RAB30: variants seen among roughly 807,000 people sequenced by gnomAD.
RAB30 encodes the protein ras-related protein Rab-30.
Under a neutral mutation model 25.1 loss-of-function variants are expected in RAB30, and 9 were observed. The observed-to-expected ratio is 0.36, with a 90% CI of 0.22 to 0.63. The LOEUF (loss-of-function observed/expected upper bound fraction) is 0.63. Ranked by LOEUF, RAB30 falls within the 20% of genes least tolerant of loss-of-function variation. The pLI is 0.69. For synonymous variants in RAB30, 77 were observed against 86.4 expected, an observed-to-expected ratio of 0.89 and a Z score of 0.60; for missense variants, 140 against 243.5, an observed-to-expected ratio of 0.58 and a Z score of 2.83.
intron 1 of RAB30, among the ~76,000 whole-genome samples, chr11:83,049,559 C>G (rs1216992027): frequency 2.0e-5 from 3 of 151,424 alleles, no homozygotes; most frequent in Non-Finnish European, 4.4e-5. Flanking sequence ...TAGCTCACTA[C>G]AGCCTCAACC....
At chr11:83,022,456 G>A (rs1219935855) in intron 1 of RAB30, among the ~76,000 whole-genome samples, 11 of 152,002 alleles carry the variant, frequency 7.2e-5, no homozygotes, top group Non-Finnish European at 1.2e-4. Flanking sequence ...ACCGCACTTG[G>A]TCCAAAGAGC....
At chr11:83,040,562 A>T (rs1313500139) in intron 1 of RAB30, among the ~76,000 whole-genome samples, 1 of 150,900 alleles carries the variant, frequency 6.6e-6, no homozygotes, top group Non-Finnish European at 1.5e-5. Context: ...TTGGCACTCC[A>T]GCCTGGGCAA....
intron 1 of RAB30, among the ~76,000 whole-genome samples, chr11:83,032,906 T>G (rs531930394): frequency 6.6e-6 from 1 of 152,092 alleles, no homozygotes; most frequent in Non-Finnish European, 1.5e-5. Context: ...TCAAGAATGA[T>G]AGGAAAAATC....
At chr11:83,033,596 C>T (rs1729875959) in intron 1 of RAB30, among the ~76,000 whole-genome samples, 1 of 152,106 alleles carries the variant, frequency 6.6e-6, no homozygotes, top group Non-Finnish European at 1.5e-5. Flanking sequence ...AAGTAACTTG[C>T]CCAAGGTCAT....
Position 83,068,635 on chromosome 11 carries a change from C to A in RAB30, c.-9+3056G>T, listed in dbSNP as rs186150082. 3.3e-5 allele frequency among the ~76,000 whole-genome samples: 5 copies of A among 152,302 alleles called. No homozygotes were observed. The East Asian group carries it at 7.7e-4, about 23-fold the overall frequency. ...CTCATTCTTCATTCTAGTCTTTCTC[C>A]TCTTGCTCTGTCTCTAACTTCCTTT... On this transcript the variant is annotated intron_variant, in intron 1 of 4. Coordinates refer to ENST00000527633, the MANE Select transcript of RAB30 (RefSeq NM_001286060.2).
chr11:83,058,391 A>G (rs1409636218), intron 1 of RAB30, among the ~76,000 whole-genome samples: 1 of 152,250 alleles, frequency 6.6e-6, no homozygotes, highest in Admixed American at 6.5e-5. Flanking sequence ...CATATGTTAC[A>G]TTTAGTTTTT....
At chr11:83,024,487 A>C (rs1365992963) in intron 1 of RAB30, among the ~76,000 whole-genome samples, 1 of 152,238 alleles carries the variant, frequency 6.6e-6, no homozygotes, top group East Asian at 1.9e-4. Flanking sequence ...TATGGAAGGC[A>C]ATGTCCCTGA....
chr11:83,022,200 T>C (rs6592093), intron 1 of RAB30, among the ~76,000 whole-genome samples: 51,755 of 151,944 alleles, frequency 0.34, 9,094 homozygotes, highest in Non-Finnish European at 0.37. Flanking sequence ...GCTCTGTTGC[T>C]CAGGCTGGAA....
chr11:83,010,407 C>T (rs1005430599), intron 1 of RAB30, among the ~76,000 whole-genome samples: 7 of 151,952 alleles, frequency 4.6e-5, no homozygotes, highest in South Asian at 2.1e-4. Context: ...ACTGTGATCA[C>T]GCCATTGCAC....
intron 1 of RAB30, among the ~76,000 whole-genome samples, chr11:83,007,815 T>C (rs527958971): frequency 1.9e-4 from 29 of 151,840 alleles, no homozygotes; most frequent in African/African-American, 6.5e-4. Flanking sequence ...AGAAAAAGGA[T>C]ACCCTTCCCA....
At chr11:83,042,288 C>G (rs971385175) in intron 1 of RAB30, among the ~76,000 whole-genome samples, 2 of 152,092 alleles carry the variant, frequency 1.3e-5, no homozygotes, top group Non-Finnish European at 2.9e-5. Context: ...TGCAGTGGCT[C>G]ATGCCTGTAA....
Position 82,975,848 on chromosome 11 carries a change from TA to T in RAB30, c.*6316del, listed in dbSNP as rs1479644809. 4.6e-5 allele frequency: 7 copies of T among 152,170 alleles called. No individual in the cohort carries two copies. Among genetic ancestry groups the T allele is most frequent in the East Asian group, 1.9e-4 (1 of 5,204 alleles). The allele number at this position is 152,170 out of a possible 1,614,324, so 9.4% of individuals were successfully genotyped here. A position where few individuals can be genotyped will look rare whatever the true frequency, so the allele number is the denominator to read the frequency against. On this transcript the variant is annotated 3_prime_UTR_variant, in exon 5 of 5. Transcript: ENST00000527633. Reference sequence around the variant, plus strand: ...AATAATCATTATTTTTTCTGACTGTTATTTTTTTTAAATAGGCAAAAGAGCA... The same window carrying T: ...AATAATCATTATTTTTTCTGACTGTTTTTTTTTTAAATAGGCAAAAGAGCA...
At chr11:83,035,039 T>C (rs1291299077) in intron 1 of RAB30, among the ~76,000 whole-genome samples, 1 of 151,752 alleles carries the variant, frequency 6.6e-6, no homozygotes, top group Non-Finnish European at 1.5e-5. Flanking sequence ...TAAGCTAATA[T>C]TTTTACATGC....
chr11:83,067,741 C>T (rs934297959), intron 1 of RAB30, among the ~76,000 whole-genome samples: 1 of 152,136 alleles, frequency 6.6e-6, no homozygotes, highest in Non-Finnish European at 1.5e-5. Flanking sequence ...CTTGTAATCC[C>T]AGAACTTTGG....
intron 1 of RAB30, among the ~76,000 whole-genome samples, chr11:83,038,494 G>C (rs1348144778): frequency 6.6e-6 from 1 of 152,044 alleles, no homozygotes. Context: ...TTACTGTGAG[G>C]ACCAAAGCCT....
chr11:82,981,803 C>T lies in RAB30; in HGVS notation c.*362G>A, dbSNP rs957457061. 4.9e-6 allele frequency: 1 copy of T among 203,942 alleles called. No individual in the cohort carries two copies. The highest frequency in any genetic ancestry group is 1.0e-5 in the Non-Finnish European group (1 of 99,896). The allele number at this position is 203,942 out of a possible 1,614,324, so 12.6% of individuals were successfully genotyped here. A position where few individuals can be genotyped will look rare whatever the true frequency, so the allele number is the denominator to read the frequency against. ...CACCGAAGCCCTAAAGAAGAGTTCC[C>T]ACATGCACCCACTGATGTGCAGGAG... On this transcript the variant is annotated 3_prime_UTR_variant, in exon 5 of 5. Transcript: ENST00000527633.
chr11:83,014,852 AAAAG>A (rs1379256435), intron 1 of RAB30, among the ~76,000 whole-genome samples: 1 of 151,858 alleles, frequency 6.6e-6, no homozygotes, highest in African/African-American at 2.4e-5. Flanking sequence ...GGAAAGGAAG[AAAAG>A]AAAGAGGAAG....
chr11:83,046,332 T>A (rs1350437296), intron 1 of RAB30, among the ~76,000 whole-genome samples: 1 of 152,134 alleles, frequency 6.6e-6, no homozygotes, highest in East Asian at 1.9e-4. Flanking sequence ...GATCCTTTTC[T>A]AAGTGTCACC....
intron 1 of RAB30, among the ~76,000 whole-genome samples, chr11:83,042,009 AAC>A (rs2121515587): frequency 6.6e-6 from 1 of 150,980 alleles, no homozygotes; most frequent in East Asian, 1.9e-4. Context: ...CAGCCTGGGC[AAC>A]AGAGTGAGAC....
Sources: gnomAD v4.1 joint callset for allele counts (sites outside exome capture counted in the v4.1 genomes callset) on GRCh38, gnomAD v4.1.1 for gene constraint, MANE v1.5 for transcripts, NCBI Gene and HGNC (gene_info 2026-07-23, HGNC 2026-07-21) for gene names.